The following MUC3A variants were observed in gnomAD, a reference collection of about 807,000 sequenced individuals.
The protein encoded by MUC3A is mucin-3A.
MUC3A carries 109 observed loss-of-function variants against 109.0 expected under a neutral mutation model. The observed-to-expected ratio is 1.00, with a 90% CI of 0.86 to 1.17. MUC3A has a LOEUF of 1.17. Among genes scored for constraint, MUC3A ranks in the 50% most tolerant of loss-of-function variants. MUC3A has a pLI of 0.00. For missense variants in MUC3A, 3,537 were observed against 2,469.4 expected (o/e 1.43, Z -9.16); for synonymous variants, 1,398 against 981.4 (o/e 1.42, Z -7.93).
Position 100,959,873 on chromosome 7 carries a change from C to T in MUC3A, c.8094C>T (p.Ser2698=), listed in dbSNP as rs1792256508. 6.4e-7 allele frequency: 1 copy of T among 1,555,912 alleles called. No individual in the cohort carries two copies. Among genetic ancestry groups the T allele is most frequent in the South Asian group, 1.2e-5 (1 of 81,440 alleles). ...TGTCCTCTTCTCCATCTTCTGCCAG[C>T]ATAACTCCAGTGTTTTCCACTACCA... is the stretch of plus-strand genomic sequence containing the variant. ...IIMSSSPSSA[S]ITPVFSTTIH... Residue 2698 remains serine (S), a synonymous_variant, in exon 2 of 12, where the codon AGC becomes AGT. Coordinates refer to ENST00000379458, the MANE Select transcript of MUC3A (RefSeq NM_005960.2).
intron 8 of MUC3A, 157 bp downstream of exon 8, chr7:100,966,023 G>T: frequency 7.9e-7 from 1 of 1,258,772 alleles, no homozygotes; most frequent in South Asian, 1.6e-5. Flanking sequence ...GCCCTACAGT[G>T]GAGCCCTGCC....
chr7:100,958,359 A>G lies in MUC3A; in HGVS notation c.6580A>G (p.Ile2194Val), dbSNP rs1792160811. Residue 2194 changes from isoleucine to valine, a missense_variant, in exon 2 of 12, where the codon ATC (isoleucine) becomes GTC (valine). By Grantham distance (29) the Ile-to-Val change is conservative (BLOSUM62 3). Coordinates refer to ENST00000379458, the MANE Select transcript of MUC3A (RefSeq NM_005960.2). ...STPSFTSSNT[I>V]TETTSHSTPS... ...TCCCAGCTTCACTTCTTCAAATACCATCACTGAGACCACCTCACACAGTAC... is the reference window on the plus strand; with the variant it reads ...TCCCAGCTTCACTTCTTCAAATACCGTCACTGAGACCACCTCACACAGTAC... 1.2e-6 allele frequency: 1 copy of G among 843,364 alleles called. No individual in the cohort carries two copies. Among genetic ancestry groups the G allele is most frequent in the Non-Finnish European group, 2.0e-6 (1 of 499,984 alleles). 52.2% of individuals were successfully genotyped at this position (843,364 alleles called of 1,614,324 possible). A position where few individuals can be genotyped will look rare whatever the true frequency, so the allele number is the denominator to read the frequency against.
chr7:100,964,918 C>T, intron 6 of MUC3A, 75 bp downstream of exon 6: 1 of 1,515,108 alleles, frequency 6.6e-7, no homozygotes, highest in South Asian at 1.2e-5. Flanking sequence ...CAGGGGGCCA[C>T]TGGGCTCAGG....
intron 5 of MUC3A, 143 bp from the exon 6 acceptor site, chr7:100,964,552 T>G: frequency 2.9e-6 from 4 of 1,358,938 alleles, no homozygotes; most frequent in Non-Finnish European, 3.9e-6. Context: ...CAGCCCCTTC[T>G]GAAAAGGATG....
In MUC3A at chr7:100,967,173, G is replaced by A. The variant is rs761016154; in HGVS notation, c.*11G>A. ...TCGTCCTCAGTGTGAGCCCTGCGGG[G>A]CCCCTTCACCACCCCCTCCGCCCTG... On this transcript the variant is annotated 3_prime_UTR_variant, in exon 12 of 12. Transcript: ENST00000379458. The A allele has an allele frequency of 3.1e-6, 5 of 1,598,408 alleles. No individual in the cohort carries two copies. Among genetic ancestry groups the A allele is most frequent in the Non-Finnish European group, 4.2e-6 (5 of 1,179,814 alleles).
intron 11 of MUC3A, 49 bp downstream of exon 11, chr7:100,967,000 C>G (rs1254671958): frequency 1.3e-6 from 2 of 1,598,532 alleles, no homozygotes; most frequent in Non-Finnish European, 1.7e-6. Flanking sequence ...AGCCTCCATT[C>G]CAGAATCCCT....
chr7:100,960,974 C>T (rs770546167), intron 3 of MUC3A, 37 bp downstream of exon 3: 10 of 1,598,270 alleles, frequency 6.3e-6, no homozygotes, highest in Non-Finnish European at 8.5e-6. Flanking sequence ...CACTTCCTCC[C>T]ACAGGGTGTC....
rs1180970859 is a variant in MUC3A at position 100,955,307 on chromosome 7, C to T, written c.3528C>T (p.Thr1176=). The change falls in exon 2 of 12, where the codon ACC becomes ACT. Residue 1176 remains threonine (T), a synonymous_variant. Coordinates refer to ENST00000379458, the MANE Select transcript of MUC3A (RefSeq NM_005960.2). The part of the protein sequence containing the change: ...STTAISSASP[T]SGTMVTSTTM... The stretch of plus-strand genomic sequence containing the variant: ...CTGCCATCTCCTCAGCTTCCCCTAC[C>T]TCAGGTACCATGGTAACTTCCACAA... The T allele has an allele frequency of 3.9e-6, 3 of 762,160 alleles. No homozygotes were observed. The highest frequency in any genetic ancestry group is 2.4e-6 in the Non-Finnish European group (1 of 416,616). 47.2% of individuals were successfully genotyped at this position (762,160 alleles called of 1,614,324 possible). A position where few individuals can be genotyped will look rare whatever the true frequency, so the allele number is the denominator to read the frequency against.
In MUC3A at chr7:100,967,092, G is replaced by C. The variant is rs766807946; in HGVS notation, c.9931-29G>C. 7 of 1,598,416 alleles carry C rather than the reference G, an allele frequency of 4.4e-6. No homozygotes were observed. The South Asian group carries it at 7.7e-5, about 18-fold the overall frequency. ...TGTCAGCCCAAACCAGTGGCTCCGC[G>C]TTCCCGTCCCTCACTGTGACTCTGA... On this transcript the variant is annotated intron_variant, in intron 11 of 11. Coordinates refer to ENST00000379458, the MANE Select transcript of MUC3A (RefSeq NM_005960.2).
chr7:100,958,794 C>T lies in MUC3A; in HGVS notation c.7015C>T (p.Arg2339Cys), dbSNP rs752921123. 1.4e-5 allele frequency: 19 copies of T among 1,361,448 alleles called. 1 individual carries two copies. Among genetic ancestry groups the T allele is most frequent in the African/African-American group, 8.4e-5 (3 of 35,902 alleles). The allele number at this position is 1,361,448 out of a possible 1,614,324, so 84.3% of individuals were successfully genotyped here. The part of the protein sequence containing the change: ...TTTETTSHNT[R>C]SFTSSITTTE... ...CACCGAGACCACCTCACACAATACTCGCAGCTTCACTTCTTCGATCACCAC... is the reference window on the plus strand; with the variant it reads ...CACCGAGACCACCTCACACAATACTTGCAGCTTCACTTCTTCGATCACCAC... The change falls in exon 2 of 12, where the codon CGC (arginine) becomes TGC (cysteine). Residue 2339 changes from arginine to cysteine, a missense_variant. Physicochemically the swap from Arg to Cys is radical, Grantham distance 180. Coordinates refer to ENST00000379458, the MANE Select transcript of MUC3A (RefSeq NM_005960.2).
At position 100,958,735 on chromosome 7, in the gene MUC3A, A is replaced by C; in HGVS notation, c.6956A>C (p.His2319Pro). 1 of 1,468,164 alleles carries C rather than the reference A, an allele frequency of 6.8e-7. No individual in the cohort carries two copies. Among genetic ancestry groups the C allele is most frequent in the Non-Finnish European group, 9.1e-7 (1 of 1,095,552 alleles). 90.9% of individuals were successfully genotyped at this position (1,468,164 alleles called of 1,614,324 possible). ...ATCACCACCACGGAGACCACCTCAC[A>C]CAGTGCTCACAGCTTCACTTCTTCG... Reference protein sequence around the residue: ...SSITTTETTSHSAHSFTSSIT... With the variant: ...SSITTTETTSPSAHSFTSSIT... The change falls in exon 2 of 12, where the codon CAC becomes CCC. Residue 2319 changes from histidine (H) to proline (P), a missense_variant. Coordinates refer to ENST00000379458, the MANE Select transcript of MUC3A (RefSeq NM_005960.2).
chr7:100,967,813 G>T lies in MUC3A; in HGVS notation c.*651G>T. 5.8e-6 allele frequency: 1 copy of T among 172,270 alleles called. No individual in the cohort carries two copies. Among genetic ancestry groups the T allele is most frequent in the Non-Finnish European group, 1.2e-5 (1 of 80,568 alleles). 10.7% of individuals were successfully genotyped at this position (172,270 alleles called of 1,614,324 possible). A position where few individuals can be genotyped will look rare whatever the true frequency, so the allele number is the denominator to read the frequency against. ...TCCTCTCCTCACATCCTGGTCCCTA[G>T]CAAGGTATAGATAGCCTCTGTGTCT... On this transcript the variant is annotated 3_prime_UTR_variant, in exon 12 of 12. Coordinates refer to ENST00000379458, the MANE Select transcript of MUC3A (RefSeq NM_005960.2).
Position 100,960,853 on chromosome 7 carries a change from G to T in MUC3A, c.8968G>T (p.Gly2990Cys). The T allele has an allele frequency of 6.3e-7, 1 of 1,598,536 alleles. No individual in the cohort carries two copies. Among genetic ancestry groups the T allele is most frequent in the South Asian group, 1.1e-5 (1 of 91,092 alleles). The change falls in exon 3 of 12, where the codon GGT becomes TGT. Residue 2990 changes from glycine to cysteine, a missense_variant. By Grantham distance (159) the Gly-to-Cys change is radical. Transcript: ENST00000379458. ...CQLQTRCQNG[G>C]QWDGLKCQCP... ...GCTCCAGACCAGATGCCAGAATGGG[G>T]GTCAGTGGGATGGCCTCAAATGCCA...
At chr7:100,963,616 C>T in intron 4 of MUC3A, 72 bp from the exon 5 acceptor site, 1 of 1,595,354 alleles carries the variant, frequency 6.3e-7, no homozygotes, top group Non-Finnish European at 8.5e-7. Context: ...TTCCCTGGAG[C>T]TGGGGTTGGG....
At chr7:100,965,193 C>T (rs1460736622) in intron 6 of MUC3A, 89 bp from the exon 7 acceptor site, 5 of 1,551,134 alleles carry the variant, frequency 3.2e-6, no homozygotes, top group Non-Finnish European at 3.5e-6. Context: ...ACTGCCCTCC[C>T]TGTGCCTATC....
chr7:100,949,839 T>G (rs1791885281), intron 1 of MUC3A, among the ~76,000 whole-genome samples, 154 bp downstream of exon 1: 12 of 13,192 alleles, frequency 9.1e-4, no homozygotes, highest in South Asian at 4.1e-3. Context: ...ACGGCCTGAC[T>G]GGGGGAGGGG....
rs1179928287 is a variant in MUC3A at position 100,962,049 on chromosome 7, G to A, written c.9053-1102G>A. On this transcript the variant is annotated intron_variant, in intron 3 of 11. Transcript: ENST00000379458. The stretch of plus-strand genomic sequence containing the variant: ...AGATCGAGACCATCCCAGCTAAAAC[G>A]GTGAAACCCCGTCTCTACTAAAAAT... Among the ~76,000 whole-genome samples the A allele has an allele frequency of 3.2e-4, 17 of 53,060 alleles. 6 individuals are homozygous for A. The highest frequency in any genetic ancestry group is 7.1e-4 in the Non-Finnish European group (14 of 19,622). 34.8% of individuals were successfully genotyped at this position (53,060 alleles called of 152,430 possible).
Position 100,955,609 on chromosome 7 carries a change from T to C in MUC3A, c.3830T>C (p.Leu1277Pro). The change falls in exon 2 of 12, where the codon CTC becomes CCC. Residue 1277 changes from leucine (L) to proline (P), a missense_variant. Transcript: ENST00000379458. ...TSTDSTLTSS[L>P]LTTFPSTYSF... ...ACTGACAGCACTCTAACAAGTTCCC[T>C]CCTGACGACCTTCCCAAGTACATAT... The C allele has an allele frequency of 2.3e-6, 1 of 432,914 alleles. No individual in the cohort carries two copies. The highest frequency in any genetic ancestry group is 3.9e-6 in the Non-Finnish European group (1 of 253,276). 26.8% of individuals were successfully genotyped at this position (432,914 alleles called of 1,614,324 possible). A position where few individuals can be genotyped will look rare whatever the true frequency, so the allele number is the denominator to read the frequency against.
At chr7:100,966,049 T>TCGCCCTAAAGTGTAGCACCGCCTCC in intron 8 of MUC3A, 183 bp downstream of exon 8, 1 of 855,048 alleles carries the variant, frequency 1.2e-6, no homozygotes, top group Non-Finnish European at 1.7e-6. Flanking sequence ...GCTCTGCTCC[T>TCGCCCTAAAGTGTAGCACCGCCTCC]TTGATGGGGT....
Sources: allele counts gnomAD v4.1 joint callset (sites outside exome capture counted in the v4.1 genomes callset), GRCh38; gene constraint gnomAD v4.1.1; transcripts MANE v1.5; gene names NCBI Gene and HGNC (gene_info 2026-07-23, HGNC 2026-07-21).